B9D1: variants seen among roughly 807,000 people sequenced by gnomAD.
B9D1 encodes B9 domain-containing protein 1.
Under a neutral mutation model 26.1 loss-of-function variants are expected in B9D1, and 20 were observed. That is an observed-to-expected ratio of 0.77 (90% CI 0.54 to 1.12). The LOEUF is 1.12. Ranked by LOEUF, B9D1 falls within the 50% of genes most tolerant of loss-of-function variation. The pLI is 0.00. For synonymous variants in B9D1, 105 were observed against 103.1 expected, an observed-to-expected ratio of 1.02 and a Z score of -0.11; for missense variants, 260 against 273.7, an observed-to-expected ratio of 0.95 and a Z score of 0.35.
chr17:19,336,250 G>A (rs966939135), downstream of B9D1: 6 of 152,298 alleles, frequency 3.9e-5, no homozygotes, highest in African/African-American at 1.4e-4. Flanking sequence ...TCGTCTGCCG[G>A]GGGAAGGGTG....
At chr17:19,364,407 G>A (rs1295035100), upstream of B9D1, 1 of 152,294 alleles carries the variant, frequency 6.6e-6, no homozygotes, top group African/African-American at 2.4e-5. This position sits in a 1 kb window ranked among gnomAD's most constrained non-coding sequence, Gnocchi z 4.3. Flanking sequence ...TTGCATAGGG[G>A]CTTGCATAGG....
In B9D1 at chr17:19,343,234, C is replaced by T. The variant is rs1567880759; in HGVS notation, c.*85G>A. 6.2e-7 allele frequency: 1 copy of T among 1,602,522 alleles called. No homozygotes were observed. Among genetic ancestry groups the T allele is most frequent in the Non-Finnish European group, 8.5e-7 (1 of 1,175,706 alleles). ...TCTGTGTGCCCCCAGCTCTGGCCAC[C>T]AGGCTGCCCCTCAGGCCGATGGGCA... is the stretch of plus-strand genomic sequence containing the variant. On this transcript the variant is annotated 3_prime_UTR_variant, in exon 7 of 7. Coordinates refer to ENST00000261499, the MANE Select transcript of B9D1 (RefSeq NM_015681.6).
upstream of B9D1, chr17:19,363,018 T>C: frequency 4.4e-6 from 1 of 227,766 alleles, no homozygotes; most frequent in Non-Finnish European, 9.3e-6. Context: ...TTAAAATACA[T>C]TCAGCCACTA....
At chr17:19,376,091 G>A (rs1049238314) in intron 1 of B9D1, among the ~76,000 whole-genome samples, 13 of 152,294 alleles carry the variant, frequency 8.5e-5, no homozygotes, top group African/African-American at 2.6e-4. Flanking sequence ...TTTATGCTAA[G>A]TGAAATAAGC....
At chr17:19,369,600 T>C (rs1911784147) in intron 1 of B9D1, among the ~76,000 whole-genome samples, 1 of 151,972 alleles carries the variant, frequency 6.6e-6, no homozygotes, top group South Asian at 2.1e-4. Flanking sequence ...GGTCCCTCTG[T>C]GTGGGTGTGG....
chr17:19,343,902 A>T, intron 5 of B9D1, 45 bp from the exon 6 acceptor site: 2 of 1,612,674 alleles, frequency 1.2e-6, no homozygotes, highest in Non-Finnish European at 8.5e-7. Context: ...CCACCTGGGC[A>T]TTCCTGGTCT....
intron 5 of B9D1, among the ~76,000 whole-genome samples, chr17:19,344,326 G>A (rs1394173826): frequency 4.6e-5 from 7 of 152,190 alleles, no homozygotes; most frequent in South Asian, 2.1e-4. Flanking sequence ...GGGCCAGAAC[G>A]GCTCCTCAGC....
chr17:19,375,493 C>G (rs35119622), intron 1 of B9D1, among the ~76,000 whole-genome samples: 153 of 152,042 alleles, frequency 1.0e-3, no homozygotes, highest in Non-Finnish European at 1.7e-3. Context: ...TACTGTGGCT[C>G]ATGCCTGTAA....
downstream of B9D1, chr17:19,337,795 C>T (rs543765057): frequency 7.0e-7 from 1 of 1,434,208 alleles, no homozygotes; most frequent in Admixed American, 2.0e-5. Context: ...TTTCTTACAG[C>T]CAGGCCTGGA....
chr17:19,357,710 G>C (rs2152273675), intron 3 of B9D1, 130 bp downstream of exon 3: 3 of 748,610 alleles, frequency 4.0e-6, no homozygotes, highest in South Asian at 2.8e-5. Flanking sequence ...AGAGAACGTT[G>C]AGGGCTGCTT....
intron 6 of B9D1, 34 bp from the exon 7 acceptor site, chr17:19,343,495 GCTGGGGCAGAGAGAGACCCAGGTTGAT>G: frequency 6.2e-7 from 1 of 1,613,850 alleles, no homozygotes; most frequent in South Asian, 1.1e-5. Flanking sequence ...GCCAGGCTGG[GCTGGGGCAGAGAGAGACCCAGGTTGAT>G]CTGGGAATCT....
At chr17:19,341,242 G>C (rs577883282), downstream of B9D1, 277 of 1,231,630 alleles carry the variant, frequency 2.2e-4, no homozygotes, top group Non-Finnish European at 2.8e-4. Context: ...GAAGCTTCAG[G>C]TCCCCTTGAT....
chr17:19,345,585 A>T (rs1301193933), intron 5 of B9D1, among the ~76,000 whole-genome samples: 5 of 152,234 alleles, frequency 3.3e-5, no homozygotes, highest in African/African-American at 1.2e-4. Context: ...GGCTGGGGCC[A>T]CCAGAAACTG....
At chr17:19,341,980 G>C (rs1908021376), downstream of B9D1, among the ~76,000 whole-genome samples, 1 of 152,144 alleles carries the variant, frequency 6.6e-6, no homozygotes, top group Admixed American at 6.5e-5. Flanking sequence ...CTGAGGGAGG[G>C]ATGCCTCAAT....
At chr17:19,355,164 G>T (rs1299859194) in intron 3 of B9D1, among the ~76,000 whole-genome samples, 1 of 152,062 alleles carries the variant, frequency 6.6e-6, no homozygotes, top group Non-Finnish European at 1.5e-5. Context: ...TATCTCTTCA[G>T]CTGTGTTTAA....
upstream of B9D1, among the ~76,000 whole-genome samples, chr17:19,365,814 A>G (rs538798559): frequency 3.9e-4 from 59 of 151,314 alleles, no homozygotes; most frequent in African/African-American, 1.2e-3. The surrounding 1 kb of genome is among the most constrained non-coding windows in gnomAD (Gnocchi z 5.0). Flanking sequence ...ATGTGATAAT[A>G]TATGTCAAAG....
At chr17:19,337,665 TTC>T (rs1303674152), downstream of B9D1, 1 of 1,512,166 alleles carries the variant, frequency 6.6e-7, no homozygotes, top group South Asian at 1.2e-5. Context: ...CCGCGGAAGT[TTC>T]TCACAGAAGT....
At chr17:19,354,158 A>G (rs1442008770) in intron 3 of B9D1, among the ~76,000 whole-genome samples, 1 of 152,100 alleles carries the variant, frequency 6.6e-6, no homozygotes, top group East Asian at 1.9e-4. Context: ...GATTTTTCTC[A>G]TTATCCTTGC....
rs1234361060 is a variant in B9D1, at chr17:19,372,542, CT to C, written c.-298+5316del. On this transcript the variant is annotated intron_variant, in intron 1 of 5. Transcript: ENST00000477478. The surrounding 1 kb of genome is among the most constrained non-coding windows in gnomAD (Gnocchi z 4.4). ...CTATTAGGTCCTGACTTACATGTCA[CT>C]TCCAGGGCCCCTTCCCGACTTCCTG... Among the ~76,000 whole-genome samples the C allele has an allele frequency of 6.6e-6, 1 of 152,234 alleles. No homozygotes were observed. Among genetic ancestry groups the C allele is most frequent in the African/African-American group, 2.4e-5 (1 of 41,462 alleles).
Sources: allele counts gnomAD v4.1 joint callset (sites outside exome capture counted in the v4.1 genomes callset), GRCh38; gene constraint gnomAD v4.1.1; non-coding constraint Gnocchi (gnomAD v3.1); transcripts MANE v1.5; gene names NCBI Gene and HGNC (gene_info 2026-07-23, HGNC 2026-07-21).